The following GRIN2B variants were observed in gnomAD, a reference collection of about 807,000 sequenced individuals.
The protein encoded by GRIN2B is glutamate ionotropic receptor NMDA type subunit 2B.
GRIN2B carries 5 observed loss-of-function variants against 114.5 expected under a neutral mutation model. The observed-to-expected ratio is 0.04, with a 90% CI of 0.02 to 0.09. The LOEUF (loss-of-function observed/expected upper bound fraction) is 0.09, where lower values mean the gene tolerates loss of function less well. GRIN2B is among the 10% of genes least tolerant of loss of function. GRIN2B has a pLI of 1.00. For synonymous variants in GRIN2B, 787 were observed against 745.1 expected (o/e 1.06, Z -0.92); for missense variants, 1,108 against 1,943.5 (o/e 0.57, Z 8.08).
intron 4 of GRIN2B, among the ~76,000 whole-genome samples, chr12:13,688,617 G>A (rs1269638572): frequency 3.9e-5 from 6 of 152,260 alleles, no homozygotes; most frequent in South Asian, 2.1e-4. Context: ...TTCTTAGATC[G>A]TGCTCTGGAA....
intron 4 of GRIN2B, among the ~76,000 whole-genome samples, chr12:13,709,750 C>T (rs1950396942): frequency 6.6e-6 from 1 of 152,014 alleles, no homozygotes; most frequent in Non-Finnish European, 1.5e-5. Flanking sequence ...TCTCAGCATT[C>T]CCTTTTCATT....
Position 13,564,256 on chromosome 12 carries a change from A to C in GRIN2B, c.2982T>G (p.Ile994Met), listed in dbSNP as rs1333579688. ...GCCCATCGATGGAGCTGGCACTGCC[A>C]ATACTATGGGGCCGGTGGTGATGGT... ...HYHHHHRPHS[I>M]GSASSIDGLY... Residue 994 changes from isoleucine (I) to methionine (M), a missense_variant, in exon 14 of 14, where the codon ATT (isoleucine) becomes ATG (methionine). By Grantham distance (10) the Ile-to-Met change is conservative. Transcript: ENST00000609686. This position sits in a 1 kb window ranked among gnomAD's most constrained non-coding sequence, Gnocchi z 4.8. 1 of 1,614,164 alleles carries C rather than the reference A, an allele frequency of 6.2e-7. No individual in the cohort carries two copies. The highest frequency in any genetic ancestry group is 1.1e-5 in the South Asian group (1 of 91,084).
At chr12:13,654,529 T>C (rs1354087354) in intron 5 of GRIN2B, among the ~76,000 whole-genome samples, 1 of 152,206 alleles carries the variant, frequency 6.6e-6, no homozygotes, top group Non-Finnish European at 1.5e-5. Flanking sequence ...TACAGGTTAA[T>C]GCCAATGCAA....
intron 3 of GRIN2B, among the ~76,000 whole-genome samples, chr12:13,812,259 AG>A (rs1472248807): frequency 6.6e-6 from 1 of 151,274 alleles, no homozygotes; most frequent in African/African-American, 2.4e-5. Flanking sequence ...AAAAAAAAAA[AG>A]TCAGAATTCT....
At chr12:13,844,260 A>G (rs575975430) in intron 3 of GRIN2B, among the ~76,000 whole-genome samples, 20 of 152,280 alleles carry the variant, frequency 1.3e-4, no homozygotes, top group Non-Finnish European at 2.2e-4. Flanking sequence ...CTGAGGTTTA[A>G]TCCTTCTCCT....
chr12:13,870,867 C>T (rs966516513), intron 2 of GRIN2B, among the ~76,000 whole-genome samples: 3 of 152,086 alleles, frequency 2.0e-5, no homozygotes, highest in Non-Finnish European at 4.4e-5. Context: ...AATTCTCATA[C>T]AATGGAAGTC....
At chr12:13,818,063 G>T (rs1030572750) in intron 3 of GRIN2B, among the ~76,000 whole-genome samples, 1 of 152,104 alleles carries the variant, frequency 6.6e-6, no homozygotes, top group South Asian at 2.1e-4. Context: ...AGTACTGTCT[G>T]GGCAGTGAAT....
At chr12:13,825,633 C>T (rs1321558547) in intron 3 of GRIN2B, among the ~76,000 whole-genome samples, 1 of 151,344 alleles carries the variant, frequency 6.6e-6, no homozygotes, top group Non-Finnish European at 1.5e-5. Flanking sequence ...TCTCCTGCCT[C>T]TGCCTCCCGA....
intron 3 of GRIN2B, among the ~76,000 whole-genome samples, chr12:13,787,282 T>C (rs1340096257): frequency 6.6e-6 from 1 of 152,216 alleles, no homozygotes; most frequent in Non-Finnish European, 1.5e-5. Flanking sequence ...TCATTGCTTA[T>C]CGGACACGTA....
In GRIN2B at chr12:13,560,838, G is replaced by A. The variant is rs1232538398; in HGVS notation, c.*1945C>T. On this transcript the variant is annotated 3_prime_UTR_variant, in exon 14 of 14. Coordinates refer to ENST00000609686, the MANE Select transcript of GRIN2B (RefSeq NM_000834.5). ...TGGGGACAGCAGTCAAGGGCGGGAT[G>A]AGGAAGGGTCACGAGTGAGGGCAAA... is the stretch of plus-strand genomic sequence containing the variant. 1 of 152,412 alleles carries A rather than the reference G, an allele frequency of 6.6e-6. No homozygotes were observed. The highest frequency in any genetic ancestry group is 2.4e-5 in the African/African-American group (1 of 41,474). 9.4% of individuals were successfully genotyped at this position (152,412 alleles called of 1,614,324 possible).
chr12:13,558,596 A>G lies in GRIN2B; in HGVS notation c.*4187T>C, dbSNP rs938946702. ...ATGGCCACGGAAGACCGGGTGAGTG[A>G]TAGTCACTTAACTGTATAGACAACT... On this transcript the variant is annotated 3_prime_UTR_variant, in exon 14 of 14. Transcript: ENST00000609686. The G allele has an allele frequency of 1.3e-5, 2 of 152,212 alleles. No individual in the cohort carries two copies. The highest frequency in any genetic ancestry group is 2.1e-4 in the South Asian group (1 of 4,824). 9.4% of individuals were successfully genotyped at this position (152,212 alleles called of 1,614,324 possible). A position where few individuals can be genotyped will look rare whatever the true frequency, so the allele number is the denominator to read the frequency against.
At chr12:13,815,036 T>C (rs1170142093) in intron 3 of GRIN2B, among the ~76,000 whole-genome samples, 1 of 152,236 alleles carries the variant, frequency 6.6e-6, no homozygotes, top group Non-Finnish European at 1.5e-5. Context: ...ATATGTAAAA[T>C]TCACCTTTTA....
At position 13,649,346 on chromosome 12, in the gene GRIN2B, A is replaced by G. The variant is rs907962962; in HGVS notation, c.1125+26399T>C. 5.3e-5 allele frequency among the ~76,000 whole-genome samples: 8 copies of G among 151,976 alleles called. 1 individual carries two copies. Among genetic ancestry groups the G allele is most frequent in the African/African-American group, 1.9e-4 (8 of 41,400 alleles). The stretch of plus-strand genomic sequence containing the variant: ...TTCGGCTGAAGCTTCTCTGTTATAT[A>G]CCTTCTTCTTTCCTTTTAGCAAGAG... On this transcript the variant is annotated intron_variant, in intron 5 of 13. Transcript: ENST00000609686.
intron 5 of GRIN2B, among the ~76,000 whole-genome samples, chr12:13,653,649 G>T (rs1339845027): frequency 1.4e-4 from 21 of 152,160 alleles, no homozygotes; most frequent in Middle Eastern, 3.4e-3. Flanking sequence ...AGAGATGTCA[G>T]TAAGTTAACA....
intron 10 of GRIN2B, among the ~76,000 whole-genome samples, chr12:13,584,715 C>A (rs2136431589): frequency 6.6e-6 from 1 of 152,288 alleles, no homozygotes; most frequent in African/African-American, 2.4e-5. Flanking sequence ...CTTGACAATG[C>A]ATATGAATAT....
rs376405254 is a variant in GRIN2B at position 13,944,990 on chromosome 12, T to C, written c.-19+34938A>G. Among the ~76,000 whole-genome samples the C allele has an allele frequency of 1.1e-3, 161 of 152,308 alleles. 5 individuals are homozygous for C. The South Asian group carries it at 0.027, about 26-fold the overall frequency. On this transcript the variant is annotated intron_variant, in intron 2 of 13. Transcript: ENST00000609686. ...GTTAAGTTAATTTGTATGATTCCAG[T>C]AAACCATGAGTTGTTTATCATAAAT... is the stretch of plus-strand genomic sequence containing the variant.
At chr12:13,814,376 G>A (rs1864781879) in intron 3 of GRIN2B, among the ~76,000 whole-genome samples, 1 of 152,184 alleles carries the variant, frequency 6.6e-6, no homozygotes, top group Non-Finnish European at 1.5e-5. Context: ...TCGTTAAAAA[G>A]CAAGGTTTTG....
chr12:13,695,611 A>C (rs1300330988), intron 4 of GRIN2B, among the ~76,000 whole-genome samples: 1 of 152,152 alleles, frequency 6.6e-6, no homozygotes, highest in Non-Finnish European at 1.5e-5. Flanking sequence ...TAACGGAGTC[A>C]GGGTGGGCAG....
chr12:13,565,093 A>T (rs565815010), intron 13 of GRIN2B, among the ~76,000 whole-genome samples: 22 of 152,382 alleles, frequency 1.4e-4, no homozygotes, highest in African/African-American at 4.6e-4. Flanking sequence ...GCTGGGCCAC[A>T]CCTGGCTGAC....
Sources: allele counts gnomAD v4.1 joint callset (sites outside exome capture counted in the v4.1 genomes callset), GRCh38; gene constraint gnomAD v4.1.1; non-coding constraint Gnocchi (gnomAD v3.1); transcripts MANE v1.5; gene names NCBI Gene and HGNC (gene_info 2026-07-23, HGNC 2026-07-21).